The following NDRG4 variants were observed in gnomAD, a reference collection of about 807,000 sequenced individuals.
NDRG4 encodes the protein protein NDRG4.
Under a neutral mutation model 55.8 loss-of-function variants are expected in NDRG4, and 38 were observed. That is an observed-to-expected ratio of 0.68 (90% confidence interval 0.53 to 0.89). The LOEUF (loss-of-function observed/expected upper bound fraction) is 0.89. Among genes scored for constraint, NDRG4 ranks in the 40% least tolerant of loss-of-function variants. The pLI, the probability that NDRG4 is intolerant of heterozygous loss-of-function variation, is 0.00. For synonymous variants in NDRG4, 190 were observed against 182.7 expected, an observed-to-expected ratio of 1.04 and a Z score of -0.32; for missense variants, 455 against 468.6, an observed-to-expected ratio of 0.97 and a Z score of 0.27.
rs531493705 is a variant in NDRG4, at chr16:58,503,904, G to A, written c.127+1G>A. The A allele has an allele frequency of 1.1e-5, 18 of 1,613,414 alleles. No homozygotes were observed. Among genetic ancestry groups the A allele is most frequent in the Admixed American group, 1.7e-5 (1 of 60,002 alleles). On this transcript the variant is annotated splice_donor_variant, in intron 2 of 14. Transcript: ENST00000570248. LOFTEE classifies it high-confidence loss of function. ...ACCTACCATGATGTGGGCCTCAACCGTAAGTGCAGCCCAGCCTCAGTCAGC... is the reference window on the plus strand; with the variant it reads ...ACCTACCATGATGTGGGCCTCAACCATAAGTGCAGCCCAGCCTCAGTCAGC...
At chr16:58,475,487 T>G in intron 1 of NDRG4, 1 of 382,762 alleles carries the variant, frequency 2.6e-6, no homozygotes, top group South Asian at 2.0e-5. Context: ...TTGATTTCCT[T>G]TAGCACGATA....
Position 58,504,631 on chromosome 16 carries a change from T to C in NDRG4, c.354T>C (p.Tyr118=), listed in dbSNP as rs752038758. 2.5e-6 allele frequency: 4 copies of C among 1,614,156 alleles called. No individual in the cohort carries two copies. Among genetic ancestry groups the C allele is most frequent in the Non-Finnish European group, 3.4e-6 (4 of 1,180,036 alleles). ...GCATCGGAGTGGGCGCCGGAGCCTA[T>C]GTGCTGGCCAAGTTTGCAGTGAGTC... The part of the protein sequence containing the change: ...VIGIGVGAGA[Y]VLAKFALIFP... Residue 118 remains tyrosine, a synonymous_variant, in exon 5 of 15, where the codon TAT becomes TAC. Coordinates refer to ENST00000570248, the MANE Select transcript of NDRG4 (RefSeq NM_001242835.2).
At chr16:58,475,512 G>A (rs2033487872) in intron 1 of NDRG4, 1 of 421,804 alleles carries the variant, frequency 2.4e-6, no homozygotes, top group Non-Finnish European at 4.7e-6. Context: ...GGGTCTCCAA[G>A]AAAAATATCC....
intron 1 of NDRG4, among the ~76,000 whole-genome samples, chr16:58,467,012 C>T (rs192827409): frequency 3.7e-4 from 56 of 152,312 alleles, no homozygotes; most frequent in African/African-American, 1.3e-3. Flanking sequence ...TTTGACCCAT[C>T]TCCCCCATTG....
intron 13 of NDRG4, among the ~76,000 whole-genome samples, chr16:58,509,591 C>A (rs903900155): frequency 6.6e-6 from 1 of 152,170 alleles, no homozygotes; most frequent in Admixed American, 6.5e-5. Flanking sequence ...GAGGACTTGG[C>A]GCACTGTTCT....
At position 58,513,168 on chromosome 16, in the gene NDRG4, A is replaced by ATGTGTGTG. The variant is rs60858251; in HGVS notation, c.*1614_*1621dup. ...GTATCTATAAATATCTATACATTAT[A>ATGTGTGTG]TGTGTGTGTGTGTGTGTGTGTGTGT... On this transcript the variant is annotated 3_prime_UTR_variant, in exon 15 of 15. Coordinates refer to ENST00000570248, the MANE Select transcript of NDRG4 (RefSeq NM_001242835.2). 13,241 of 150,166 alleles carry ATGTGTGTG rather than the reference A, an allele frequency of 0.088. 619 individuals carry two copies. The highest frequency in any genetic ancestry group is 0.11 in the Non-Finnish European group (7,650 of 67,502). 9.3% of individuals were successfully genotyped at this position (150,166 alleles called of 1,614,324 possible). A position where few individuals can be genotyped will look rare whatever the true frequency, so the allele number is the denominator to read the frequency against.
At chr16:58,499,720 A>G, upstream of NDRG4, 1 of 173,358 alleles carries the variant, frequency 5.8e-6, no homozygotes. Flanking sequence ...GGTGTGGGTC[A>G]AGGGCTCTAG....
intron 2 of NDRG4, chr16:58,494,899 G>C (rs915885157): frequency 7.1e-7 from 1 of 1,415,238 alleles, no homozygotes; most frequent in Non-Finnish European, 1.0e-6. Flanking sequence ...GTCTGCTAAG[G>C]CCCCACGGGC....
At chr16:58,504,733 A>G in intron 5 of NDRG4, 84 bp downstream of exon 5, 1 of 1,479,846 alleles carries the variant, frequency 6.8e-7, no homozygotes, top group Non-Finnish European at 9.4e-7. Context: ...GGAACCCTTC[A>G]GCCTTGAGGA....
At chr16:58,500,133 G>C, upstream of NDRG4, 1 of 1,534,440 alleles carries the variant, frequency 6.5e-7, no homozygotes, top group South Asian at 1.2e-5. Flanking sequence ...CCCAGGAGCT[G>C]TGCCCCATCA....
In NDRG4 at chr16:58,503,853, C is replaced by T; in HGVS notation, c.77C>T (p.Pro26Leu). Residue 26 changes from proline (P) to leucine (L), a missense_variant, in exon 2 of 15, where the codon CCC (proline) becomes CTC (leucine). Physicochemically the swap from Pro to Leu is moderately conservative, Grantham distance 98. Transcript: ENST00000570248. ...CTGCATGTAGTGATCCGGGGCTCCC[C>T]CAAGGGGAACCGCCCAGCCATCCTC... ...GLLHVVIRGSPKGNRPAILTY... is the reference protein window; with the variant it reads ...GLLHVVIRGSLKGNRPAILTY... 6.2e-7 allele frequency: 1 copy of T among 1,613,994 alleles called. No homozygotes were observed. Among genetic ancestry groups the T allele is most frequent in the Non-Finnish European group, 8.5e-7 (1 of 1,179,996 alleles).
At chr16:58,508,281 G>T (rs1476758510) in intron 10 of NDRG4, among the ~76,000 whole-genome samples, 1 of 152,214 alleles carries the variant, frequency 6.6e-6, no homozygotes, top group Non-Finnish European at 1.5e-5. Flanking sequence ...GCCCCAACTT[G>T]GTCCCTACCC....
In NDRG4 at chr16:58,512,398, T is replaced by C. The variant is rs189997318; in HGVS notation, c.*822T>C. The C allele has an allele frequency of 1.3e-3, 315 of 247,488 alleles. 1 individual carries two copies. Among genetic ancestry groups the C allele is most frequent in the African/African-American group, 6.5e-3 (275 of 42,172 alleles). 15.3% of individuals were successfully genotyped at this position (247,488 alleles called of 1,614,324 possible). A position where few individuals can be genotyped will look rare whatever the true frequency, so the allele number is the denominator to read the frequency against. On this transcript the variant is annotated 3_prime_UTR_variant, in exon 15 of 15. Coordinates refer to ENST00000570248, the MANE Select transcript of NDRG4 (RefSeq NM_001242835.2). Reference sequence around the variant, plus strand: ...GTGTGTGCCCCTGAGAACTTCGTGGTGACTGCCTTTGGGAGCCCGCAGGTG... The same window carrying C: ...GTGTGTGCCCCTGAGAACTTCGTGGCGACTGCCTTTGGGAGCCCGCAGGTG...
chr16:58,497,788 A>G (rs961849570), upstream of NDRG4, among the ~76,000 whole-genome samples: 3 of 152,170 alleles, frequency 2.0e-5, no homozygotes, highest in Non-Finnish European at 2.9e-5. Flanking sequence ...AAAAGGGCCA[A>G]CAATTTGGAG....
At chr16:58,477,161 GATAT>G (rs370447012) in intron 1 of NDRG4, among the ~76,000 whole-genome samples, 1 of 147,926 alleles carries the variant, frequency 6.8e-6, no homozygotes, top group Non-Finnish European at 1.5e-5. Flanking sequence ...ATATATATGT[GATAT>G]ATATATATAT....
chr16:58,499,763 C>T (rs1311335165), upstream of NDRG4: 5 of 243,940 alleles, frequency 2.0e-5, no homozygotes, highest in Middle Eastern at 1.5e-3. Context: ...CCCTGCCCTG[C>T]CCCGCATTGG....
chr16:58,507,243 CCTGGGGG>C (rs1327928496), intron 8 of NDRG4: 1 of 559,528 alleles, frequency 1.8e-6, no homozygotes, highest in Non-Finnish European at 3.2e-6. Flanking sequence ...TTCCTCCTCC[CCTGGGGG>C]CTTCCCGCTT....
rs181648954 is a variant in NDRG4, at chr16:58,512,348, A to G, written c.*772A>G. On this transcript the variant is annotated 3_prime_UTR_variant, in exon 15 of 15. Transcript: ENST00000570248. ...AGTGACCTGACTGGGGGTGAGGGAGAAGGAGGAGAGAGCCCATGTGTGGTG... is the reference window on the plus strand; with the variant it reads ...AGTGACCTGACTGGGGGTGAGGGAGGAGGAGGAGAGAGCCCATGTGTGGTG... The G allele has an allele frequency of 7.1e-5, 23 of 326,220 alleles. No individual in the cohort carries two copies. Among genetic ancestry groups the G allele is most frequent in the East Asian group, 4.1e-4 (4 of 9,800 alleles). 20.2% of individuals were successfully genotyped at this position (326,220 alleles called of 1,614,324 possible). A position where few individuals can be genotyped will look rare whatever the true frequency, so the allele number is the denominator to read the frequency against.
chr16:58,464,050 G>T lies in NDRG4; in HGVS notation c.-24+253G>T. ...GCCGCGCTGGGGACCCCCAGCCGCC[G>T]TCCGCGACCCCCCACCGCGACGCCC... On this transcript the variant is annotated intron_variant, in intron 1 of 15. Transcript: ENST00000258187. This position sits in a 1 kb window ranked among gnomAD's most constrained non-coding sequence, Gnocchi z 4.8. 1 of 195,004 alleles carries T rather than the reference G, an allele frequency of 5.1e-6. No individual in the cohort carries two copies. The allele number at this position is 195,004 out of a possible 1,614,324, so 12.1% of individuals were successfully genotyped here.
Sources: allele counts gnomAD v4.1 joint callset (sites outside exome capture counted in the v4.1 genomes callset), GRCh38; gene constraint gnomAD v4.1.1; non-coding constraint Gnocchi (gnomAD v3.1); transcripts MANE v1.5; gene names NCBI Gene and HGNC (gene_info 2026-07-23, HGNC 2026-07-21).